The following LCK variants were observed in gnomAD, a reference collection of about 807,000 sequenced individuals.
The protein encoded by LCK is LCK proto-oncogene, Src family tyrosine kinase.
In LCK, 14 loss-of-function variants were observed where a neutral mutation model predicts 64.6. That is an observed-to-expected ratio of 0.22 (90% confidence interval 0.14 to 0.34). The LOEUF (loss-of-function observed/expected upper bound fraction) is 0.34. Ranked by LOEUF, LCK falls within the 10% of genes least tolerant of loss-of-function variation. The probability of loss-of-function intolerance (pLI) is 1.00; values close to 1 mark genes in which losing one functional copy is unlikely to be tolerated. For missense variants in LCK, 434 were observed against 668.1 expected (o/e 0.65, Z 3.86); for synonymous variants, 277 against 263.6 (o/e 1.05, Z -0.49).
intron 1 of LCK, among the ~76,000 whole-genome samples, chr1:32,254,500 T>A (rs1362090624): frequency 6.6e-6 from 1 of 151,896 alleles, no homozygotes; most frequent in Non-Finnish European, 1.5e-5. Context: ...TTTGTGGGGT[T>A]TTTTTGGTTT....
chr1:32,274,267 G>A (rs557745198), intron 1 of LCK, 58 bp from the exon 2 acceptor site: 3 of 1,612,970 alleles, frequency 1.9e-6, no homozygotes, highest in Non-Finnish European at 2.5e-6. Context: ...CATTATATCT[G>A]ATGTTGGGGG....
At position 32,275,808 on chromosome 1, in the gene LCK, G is replaced by T. The variant is rs1640248737; in HGVS notation, c.482-106G>T. ...GGATGAGCCCGAGGTGGGGGCGCGG[G>T]ATGACCCGGAGTTGGGGGTGCTGGG... On this transcript the variant is annotated intron_variant, in intron 6 of 12. Transcript: ENST00000336890. This position sits in a 1 kb window ranked among gnomAD's most constrained non-coding sequence, Gnocchi z 6.9. 1.4e-6 allele frequency: 2 copies of T among 1,454,836 alleles called. No homozygotes were observed. Among genetic ancestry groups the T allele is most frequent in the African/African-American group, 2.8e-5 (2 of 71,554 alleles). The allele number at this position is 1,454,836 out of a possible 1,614,324, so 90.1% of individuals were successfully genotyped here.
chr1:32,268,200 A>T (rs1336632611), intron 1 of LCK, among the ~76,000 whole-genome samples: 1 of 152,154 alleles, frequency 6.6e-6, no homozygotes, highest in Admixed American at 6.6e-5. Context: ...TCTCAAAAAA[A>T]ATAAAAAAGA....
At chr1:32,261,822 G>A (rs889809218) in intron 1 of LCK, among the ~76,000 whole-genome samples, 3 of 149,324 alleles carry the variant, frequency 2.0e-5, no homozygotes, top group South Asian at 4.3e-4. Flanking sequence ...CATACTAGGC[G>A]CATGCCTCCA....
chr1:32,261,652 C>G (rs1444345500), intron 1 of LCK, among the ~76,000 whole-genome samples: 1 of 64,338 alleles, frequency 1.6e-5, no homozygotes, highest in Admixed American at 1.8e-4. Flanking sequence ...TCCTCTGTCT[C>G]AAAAAAAAAA....
chr1:32,275,437 G>C lies in LCK; in HGVS notation c.377+18G>C, dbSNP rs372533013. On this transcript the variant is annotated intron_variant, in intron 5 of 12. Coordinates refer to ENST00000336890, the MANE Select transcript of LCK (RefSeq NM_005356.5). The surrounding 1 kb of genome is among the most constrained non-coding windows in gnomAD (Gnocchi z 6.9). ...CCCGAACCGTAAGTGGGGACCCGTC[G>C]TGGGGGTGGGTAGGAGCAGATCTAG... 4 of 1,612,480 alleles carry C rather than the reference G, an allele frequency of 2.5e-6. No homozygotes were observed. In the African/African-American group the frequency reaches 5.3e-5, roughly 22 times the overall value.
chr1:32,275,552 G>A lies in LCK; in HGVS notation c.378-17G>A, dbSNP rs1187595616. Reference sequence around the variant, plus strand: ...CGACGACAGCCGACGGCCTTCGTTCGCTTCCGCCCTGCACAGCTGGTTCTT... The same window carrying A: ...CGACGACAGCCGACGGCCTTCGTTCACTTCCGCCCTGCACAGCTGGTTCTT... On this transcript the variant is annotated splice_polypyrimidine_tract_variant and intron_variant, in intron 5 of 12. Transcript: ENST00000336890. The surrounding 1 kb of genome is among the most constrained non-coding windows in gnomAD (Gnocchi z 6.9). 1.3e-6 allele frequency: 2 copies of A among 1,562,060 alleles called. No homozygotes were observed. The highest frequency in any genetic ancestry group is 2.7e-5 in the African/African-American group (2 of 73,732).
At chr1:32,280,314 C>A in intron 12 of LCK, 104 bp downstream of exon 12, 1 of 1,443,684 alleles carries the variant, frequency 6.9e-7, no homozygotes, top group Non-Finnish European at 9.4e-7. Context: ...GTAGCTGCAT[C>A]TCCTCTATCT....
chr1:32,275,586 T>C lies in LCK; in HGVS notation c.395T>C (p.Leu132Pro), dbSNP rs1368225574. ...LEPEPWFFKNLSRKDAERQLL... is the reference protein window; with the variant it reads ...LEPEPWFFKNPSRKDAERQLL... ...CTGCACAGCTGGTTCTTCAAGAACC[T>C]GAGCCGCAAGGACGCGGAGCGGCAG... Residue 132 changes from leucine to proline, a missense_variant, in exon 6 of 13, where the codon CTG becomes CCG. Coordinates refer to ENST00000336890, the MANE Select transcript of LCK (RefSeq NM_005356.5). The surrounding 1 kb of genome is among the most constrained non-coding windows in gnomAD (Gnocchi z 6.9). The C allele has an allele frequency of 6.4e-7, 1 of 1,571,776 alleles. No homozygotes were observed. The highest frequency in any genetic ancestry group is 1.2e-5 in the South Asian group (1 of 86,168).
chr1:32,279,871 C>A lies in LCK; in HGVS notation c.1072C>A (p.Arg358=). The change falls in exon 11 of 13, where the codon CGG becomes AGG. Residue 358 remains arginine, a synonymous_variant. Coordinates refer to ENST00000336890, the MANE Select transcript of LCK (RefSeq NM_005356.5). ...AGAAGGCATGGCATTCATTGAAGAG[C>A]GGAATTATATTCATCGTGACCTTCG... ...IAEGMAFIEE[R]NYIHRDLRAA... is the part of the protein sequence containing the mutation. 1 of 1,614,186 alleles carries A rather than the reference C, an allele frequency of 6.2e-7. No individual in the cohort carries two copies. Among genetic ancestry groups the A allele is most frequent in the Non-Finnish European group, 8.5e-7 (1 of 1,180,034 alleles).
chr1:32,272,236 A>G (rs1420330931), intron 1 of LCK, among the ~76,000 whole-genome samples: 1 of 151,942 alleles, frequency 6.6e-6, no homozygotes, highest in African/African-American at 2.4e-5. Flanking sequence ...GGAAAAAAAA[A>G]AAAGGTAATA....
In LCK at chr1:32,285,533, G is replaced by A. The variant is rs374935678; in HGVS notation, c.1347G>A (p.Val449=). The part of the protein sequence containing the change: ...IPYPGMTNPE[V]IQNLERGYRM... ...CCGTAGGGATGACCAACCCGGAGGT[G>A]ATTCAGAACCTGGAGCGAGGCTACC... The change falls in exon 13 of 13, where the codon GTG becomes GTA. Residue 449 remains valine (V), a synonymous_variant. Coordinates refer to ENST00000336890, the MANE Select transcript of LCK (RefSeq NM_005356.5). 3.7e-6 allele frequency: 6 copies of A among 1,614,096 alleles called. No homozygotes were observed. The African/African-American group carries it at 8.0e-5, about 22-fold the overall frequency.
At chr1:32,262,973 A>C (rs929959184) in intron 1 of LCK, among the ~76,000 whole-genome samples, 1 of 151,964 alleles carries the variant, frequency 6.6e-6, no homozygotes. Context: ...TTTTCTCCCA[A>C]TTTAGGAATC....
rs371758592 is a variant in LCK at position 32,276,797 on chromosome 1, C to A, written c.964+11C>A. On this transcript the variant is annotated intron_variant, in intron 9 of 12. Transcript: ENST00000336890. The surrounding 1 kb of genome is among the most constrained non-coding windows in gnomAD (Gnocchi z 4.6). Reference sequence around the variant, plus strand: ...AATACATGGAGAATGGTGGGTGCTACCCGAGTCGGCTACCAGGGGATACTG... The same window carrying A: ...AATACATGGAGAATGGTGGGTGCTAACCGAGTCGGCTACCAGGGGATACTG... 1.1e-5 allele frequency: 18 copies of A among 1,580,574 alleles called. No homozygotes were observed. The highest frequency in any genetic ancestry group is 1.5e-5 in the Non-Finnish European group (17 of 1,158,280).
At chr1:32,257,690 G>A (rs958065307) in intron 1 of LCK, among the ~76,000 whole-genome samples, 7 of 152,238 alleles carry the variant, frequency 4.6e-5, no homozygotes, top group African/African-American at 1.7e-4. Flanking sequence ...CAAGCTGTAA[G>A]TAAGGCTCCA....
At position 32,276,813 on chromosome 1, in the gene LCK, G is replaced by C. The variant is rs369979102; in HGVS notation, c.964+27G>C. ...TGGGTGCTACCCGAGTCGGCTACCA[G>C]GGGATACTGCTCTCCCTGCTGTCCC... On this transcript the variant is annotated intron_variant, in intron 9 of 12. Coordinates refer to ENST00000336890, the MANE Select transcript of LCK (RefSeq NM_005356.5). This position sits in a 1 kb window ranked among gnomAD's most constrained non-coding sequence, Gnocchi z 4.6. 6.4e-7 allele frequency: 1 copy of C among 1,563,372 alleles called. No individual in the cohort carries two copies. Among genetic ancestry groups the C allele is most frequent in the African/African-American group, 1.4e-5 (1 of 73,944 alleles).
intron 12 of LCK, among the ~76,000 whole-genome samples, chr1:32,281,831 G>C (rs1481812706): frequency 6.6e-6 from 1 of 152,066 alleles, no homozygotes; most frequent in Non-Finnish European, 1.5e-5. Context: ...TTGGGAGGCC[G>C]AGGCGGGTGG....
intron 1 of LCK, among the ~76,000 whole-genome samples, chr1:32,269,919 C>T (rs1640031738): frequency 6.6e-6 from 1 of 152,058 alleles, no homozygotes; most frequent in South Asian, 2.1e-4. Flanking sequence ...GGATGAAGAG[C>T]CCCATTTGAC....
Position 32,285,788 on chromosome 1 carries a change from C to T in LCK, c.*72C>T, listed in dbSNP as rs1016466574. ...ACTTGGGGAGATGGAGTTCTTGTGC[C>T]ATAGTCACATGGCCTATGCACATAT... is the stretch of plus-strand genomic sequence containing the variant. On this transcript the variant is annotated 3_prime_UTR_variant, in exon 13 of 13. Transcript: ENST00000336890. 9 of 1,465,386 alleles carry T rather than the reference C, an allele frequency of 6.1e-6. No individual in the cohort carries two copies. The highest frequency in any genetic ancestry group is 8.4e-6 in the Non-Finnish European group (9 of 1,072,768). The allele number at this position is 1,465,386 out of a possible 1,614,324, so 90.8% of individuals were successfully genotyped here. A position where few individuals can be genotyped will look rare whatever the true frequency, so the allele number is the denominator to read the frequency against.
Sources: allele counts gnomAD v4.1 joint callset (sites outside exome capture counted in the v4.1 genomes callset), GRCh38; gene constraint gnomAD v4.1.1; non-coding constraint Gnocchi (gnomAD v3.1); transcripts MANE v1.5; gene names NCBI Gene and HGNC (gene_info 2026-07-23, HGNC 2026-07-21).